AKNA: variants seen among roughly 807,000 people sequenced by gnomAD.
AKNA encodes the protein microtubule organization protein AKNA.
In AKNA, 67 loss-of-function variants were observed where a neutral mutation model predicts 138.8. That is an observed-to-expected ratio of 0.48 (90% CI 0.40 to 0.59). The LOEUF (loss-of-function observed/expected upper bound fraction) is 0.59, where lower values mean the gene tolerates loss of function less well. Among genes scored for constraint, AKNA ranks in the 20% least tolerant of loss-of-function variants. The pLI is 0.00. For missense variants in AKNA, 1,813 were observed against 1,880.4 expected (o/e 0.96, Z 0.66); for synonymous variants, 737 against 754.4 (o/e 0.98, Z 0.38).
intron 4 of AKNA, among the ~76,000 whole-genome samples, chr9:114,369,210 A>T (rs1564644766): frequency 6.6e-6 from 1 of 152,228 alleles, no homozygotes; most frequent in Non-Finnish European, 1.5e-5. Flanking sequence ...GTCTGGAGTC[A>T]GGCAGGTGAC....
At chr9:114,353,850 A>C (rs1022259803) in intron 14 of AKNA, among the ~76,000 whole-genome samples, 3 of 152,248 alleles carry the variant, frequency 2.0e-5, no homozygotes, top group Admixed American at 1.3e-4. Flanking sequence ...GTACACCTGT[A>C]AAGGGTCCTT....
intron 19 of AKNA, among the ~76,000 whole-genome samples, chr9:114,342,512 G>A (rs1222043785): frequency 8.0e-5 from 8 of 99,494 alleles, no homozygotes; most frequent in South Asian, 3.8e-4. Context: ...CCAACCCCCC[G>A]CCCCAACCAC....
At chr9:114,374,669 C>T (rs1410008485) in intron 3 of AKNA, among the ~76,000 whole-genome samples, 1 of 152,196 alleles carries the variant, frequency 6.6e-6, no homozygotes, top group Non-Finnish European at 1.5e-5. Flanking sequence ...GTTCCACCTA[C>T]TCAGAGTCAC....
intron 2 of AKNA, among the ~76,000 whole-genome samples, chr9:114,379,019 T>C (rs946266844): frequency 1.3e-5 from 2 of 152,252 alleles, no homozygotes; most frequent in African/African-American, 2.4e-5. Context: ...AAGTTACTCT[T>C]GCTTACAGCA....
At chr9:114,367,494 TCTC>T in intron 6 of AKNA, 46 bp downstream of exon 6, 1 of 1,598,916 alleles carries the variant, frequency 6.3e-7, no homozygotes, top group Non-Finnish European at 8.5e-7. Context: ...GGTTCTGTGT[TCTC>T]CAGGTGAGTT....
downstream of AKNA, chr9:114,330,848 C>T: frequency 6.2e-7 from 1 of 1,613,838 alleles, no homozygotes; most frequent in Non-Finnish European, 8.5e-7. Context: ...GAGAATGGGA[C>T]CGTCTCCAGA....
Position 114,349,130 on chromosome 9 carries a change from C to A in AKNA, c.3222-1230G>T, listed in dbSNP as rs753977442. ...CTACTGGAGAGTGACATCTCCCCAC[C>A]CCCAGTTAACTCCTGAAATGGAGAG... On this transcript the variant is annotated intron_variant, in intron 15 of 21. Coordinates refer to ENST00000374088, the MANE Select transcript of AKNA (RefSeq NM_001317950.2). 2.9e-4 allele frequency: 101 copies of A among 352,156 alleles called. 1 individual carries two copies. The highest frequency in any genetic ancestry group is 1.2e-4 in the South Asian group (6 of 48,002). The allele number at this position is 352,156 out of a possible 1,614,324, so 21.8% of individuals were successfully genotyped here. A position where few individuals can be genotyped will look rare whatever the true frequency, so the allele number is the denominator to read the frequency against.
At chr9:114,392,152 G>A (rs931975481), upstream of AKNA, among the ~76,000 whole-genome samples, 4 of 151,516 alleles carry the variant, frequency 2.6e-5, no homozygotes, top group Admixed American at 2.6e-4. Flanking sequence ...GAAAGAGGAG[G>A]CAGGTGAGGA....
intron 14 of AKNA, 140 bp downstream of exon 14, chr9:114,355,785 C>A: frequency 1.1e-6 from 1 of 946,996 alleles, no homozygotes; most frequent in Non-Finnish European, 1.5e-6. Context: ...CTTTTGTTCC[C>A]TTTTGTCCAC....
chr9:114,388,095 G>C (rs1834179303), upstream of AKNA: 1 of 266,586 alleles, frequency 3.8e-6, no homozygotes. Context: ...TTTCCTACAA[G>C]TGTTTGTCAG....
At position 114,345,916 on chromosome 9, in the gene AKNA, C is replaced by T; in HGVS notation, c.3608G>A (p.Gly1203Glu). The change falls in exon 18 of 22, where the codon GGG (glycine) becomes GAG (glutamate). Residue 1203 changes from glycine (G) to glutamate (E), a missense_variant. Physicochemically the swap from Gly to Glu is moderately conservative, Grantham distance 98. Transcript: ENST00000374088. ...GTCTGGCCATCCAGCACTGCCCACC[C>T]CTCTCTTTCCATCCCGAGCTGCCTG... ...SPQAARDGKRGVGSAGWPDRV... is the reference protein window; with the variant it reads ...SPQAARDGKREVGSAGWPDRV... The T allele has an allele frequency of 5.0e-6, 8 of 1,614,070 alleles. No individual in the cohort carries two copies. Among genetic ancestry groups the T allele is most frequent in the Non-Finnish European group, 6.8e-6 (8 of 1,179,932 alleles).
At chr9:114,380,921 T>C (rs971929088) in intron 2 of AKNA, 139 bp downstream of exon 2, 2 of 986,432 alleles carry the variant, frequency 2.0e-6, no homozygotes, top group Non-Finnish European at 2.7e-6. Flanking sequence ...AGGCAGAGGC[T>C]GTAGTGAGCC....
At chr9:114,369,234 T>C (rs542663539) in intron 4 of AKNA, among the ~76,000 whole-genome samples, 1 of 152,302 alleles carries the variant, frequency 6.6e-6, no homozygotes, top group East Asian at 1.9e-4. Context: ...GGAAGGCCTC[T>C]TGAAGCTGGA....
At chr9:114,373,812 G>A (rs1349026916) in intron 4 of AKNA, among the ~76,000 whole-genome samples, 2 of 149,224 alleles carry the variant, frequency 1.3e-5, no homozygotes, top group Non-Finnish European at 3.0e-5. Context: ...CTTGAGCCCA[G>A]GAGGTTGAGA....
chr9:114,376,684 T>G lies in AKNA; in HGVS notation c.1123A>C (p.Ser375Arg). ...CTTCTGGACTTGGGGGGACGGTAGC[T>G]CTCATCTTTGGGGAATCTCACCCGG... is the stretch of plus-strand genomic sequence containing the variant. ...GPRVRFPKDE[S>R]YRPPKSRSHN... Residue 375 changes from serine (S) to arginine (R), a missense_variant, in exon 3 of 22, where the codon AGC becomes CGC. Physicochemically the swap from Ser to Arg is moderately radical, Grantham distance 110. Coordinates refer to ENST00000374088, the MANE Select transcript of AKNA (RefSeq NM_001317950.2). 6.2e-7 allele frequency: 1 copy of G among 1,613,158 alleles called. No individual in the cohort carries two copies. Among genetic ancestry groups the G allele is most frequent in the Non-Finnish European group, 8.5e-7 (1 of 1,179,654 alleles).
intron 21 of AKNA, among the ~76,000 whole-genome samples, chr9:114,339,933 C>T (rs1448312399): frequency 6.6e-6 from 1 of 152,092 alleles, no homozygotes; most frequent in Non-Finnish European, 1.5e-5. Context: ...CCATCTCTAC[C>T]AAAAATACCA....
intron 19 of AKNA, among the ~76,000 whole-genome samples, 200 bp from the exon 20 acceptor site, chr9:114,342,325 G>T (rs921251429): frequency 6.6e-6 from 1 of 152,116 alleles, no homozygotes; most frequent in African/African-American, 2.4e-5. Context: ...CTCTGCTAAG[G>T]GCCTTCCTGC....
downstream of AKNA, chr9:114,332,005 A>C (rs549147820): frequency 2.3e-5 from 31 of 1,368,028 alleles, no homozygotes; most frequent in South Asian, 3.3e-4. Context: ...CAGAGCAGGA[A>C]AGCTGCCAGG....
downstream of AKNA, among the ~76,000 whole-genome samples, chr9:114,331,392 T>C (rs1277608358): frequency 2.6e-5 from 4 of 152,042 alleles, no homozygotes; most frequent in Admixed American, 6.5e-5. Flanking sequence ...GTACAGAAAG[T>C]GCTTGGCGTG....
Sources: gnomAD v4.1 joint callset for allele counts (sites outside exome capture counted in the v4.1 genomes callset) on GRCh38, gnomAD v4.1.1 for gene constraint, MANE v1.5 for transcripts, NCBI Gene and HGNC (gene_info 2026-07-23, HGNC 2026-07-21) for gene names.